ZNF782: variants seen among roughly 807,000 people sequenced by gnomAD.
ZNF782 encodes the protein zinc finger protein 782.
In ZNF782, 12 loss-of-function variants were observed where a neutral mutation model predicts 13.0. That is an observed-to-expected ratio of 0.92 (90% CI 0.59 to 1.50). The LOEUF is 1.50. Among genes scored for constraint, ZNF782 ranks in the 40% most tolerant of loss-of-function variants. The probability of loss-of-function intolerance (pLI) is 0.00; values close to 1 mark genes in which losing one functional copy is unlikely to be tolerated. For missense variants in ZNF782, 770 were observed against 822.9 expected (o/e 0.94, Z 0.79); for synonymous variants, 284 against 283.0 (o/e 1.00, Z -0.04).
chr9:96,897,167 C>T, the ZNF782 span, among the ~76,000 whole-genome samples: 1 of 152,190 alleles, frequency 6.6e-6, no homozygotes, highest in African/African-American at 2.4e-5. Flanking sequence ...AAGTCACTGT[C>T]AAAAGTCATG....
the ZNF782 span, among the ~76,000 whole-genome samples, chr9:96,911,583 C>T: frequency 2.8e-5 from 4 of 142,552 alleles, no homozygotes; most frequent in Admixed American, 7.2e-5. Context: ...TGCAGTGGCG[C>T]GATCTCGGCT....
At chr9:96,849,544 A>T (rs1301872327) in intron 3 of ZNF782, among the ~76,000 whole-genome samples, 1 of 152,264 alleles carries the variant, frequency 6.6e-6, no homozygotes, top group East Asian at 1.9e-4. Context: ...TAAATCTGTG[A>T]CCTGAAACCA....
chr9:96,893,999 C>CAAAAAAAAAAAAAAAAAA, the ZNF782 span: 38 of 48,862 alleles, frequency 7.8e-4, 1 homozygote, highest in East Asian at 0.012. Flanking sequence ...GACTCCGTCT[C>CAAAAAAAAAAAAAAAAAA]AAAAAAAAAA....
chr9:96,931,743 G>T, the ZNF782 span: 1 of 1,611,458 alleles, frequency 6.2e-7, no homozygotes. Flanking sequence ...CTGGGACCCG[G>T]CGTGACCGTG....
chr9:96,922,381 T>C, the ZNF782 span, among the ~76,000 whole-genome samples: 1 of 152,182 alleles, frequency 6.6e-6, no homozygotes, highest in Non-Finnish European at 1.5e-5. Flanking sequence ...ATAATTGTAT[T>C]AGCCCAGAAT....
chr9:96,845,024 A>T lies in ZNF782; in HGVS notation c.16-8T>A. On this transcript the variant is annotated splice_polypyrimidine_tract_variant and splice_region_variant and intron_variant, in intron 3 of 5. Transcript: ENST00000481138. ...CTGGAATGACACTGATGCCTGTAAC[A>T]GCGCATTTCTAATTAATCTGAGTGT... is the stretch of plus-strand genomic sequence containing the variant. The T allele has an allele frequency of 6.2e-7, 1 of 1,613,928 alleles. No individual in the cohort carries two copies.
At chr9:96,925,271 C>T in the ZNF782 span, among the ~76,000 whole-genome samples, 5 of 151,732 alleles carry the variant, frequency 3.3e-5, no homozygotes, top group African/African-American at 7.3e-5. Flanking sequence ...AATGGAGGGA[C>T]GCCTCACCAG....
At position 96,819,168 on chromosome 9, in the gene ZNF782, G is replaced by A; in HGVS notation, c.855C>T (p.His285=). The A allele has an allele frequency of 6.2e-7, 1 of 1,613,212 alleles. No homozygotes were observed. Among genetic ancestry groups the A allele is most frequent in the Non-Finnish European group, 8.5e-7 (1 of 1,179,594 alleles). The change falls in exon 6 of 6, where the codon CAC becomes CAT. Residue 285 remains histidine (H), a synonymous_variant. Transcript: ENST00000481138. ...DTGNCFCRIT[H]KTLTGGKSFS... is the part of the protein sequence containing the mutation. ...AGGATTTCCCTCCTGTGAGAGTTTT[G>A]TGAGTGATTCTACAGAAACAATTTC...
At chr9:96,925,624 A>T in the ZNF782 span, among the ~76,000 whole-genome samples, 2 of 128,930 alleles carry the variant, frequency 1.6e-5, no homozygotes, top group Admixed American at 1.5e-4. Context: ...GCAAGACTCT[A>T]TCTCAAAAAA....
At chr9:96,905,680 G>T in the ZNF782 span, among the ~76,000 whole-genome samples, 1 of 152,080 alleles carries the variant, frequency 6.6e-6, no homozygotes, top group African/African-American at 2.4e-5. Context: ...CTGCCTCCTG[G>T]GTTCAAGCAA....
intron 3 of ZNF782, among the ~76,000 whole-genome samples, chr9:96,848,583 C>G (rs934646566): frequency 6.6e-6 from 1 of 151,828 alleles, no homozygotes; most frequent in Non-Finnish European, 1.5e-5. Flanking sequence ...CAAAATAACA[C>G]CACCACCACC....
At position 96,843,064 on chromosome 9, in the gene ZNF782, G is replaced by C. The variant is rs1295797306; in HGVS notation, c.142+1826C>G. Among the ~76,000 whole-genome samples the C allele has an allele frequency of 4.6e-5, 7 of 152,202 alleles. No individual in the cohort carries two copies. In the South Asian group the frequency reaches 6.2e-4, roughly 13 times the overall value. Reference sequence around the variant, plus strand: ...ACAATGCCTAGTACCAGAAAGGATAGGGAATAACTGGATCCCTCATACATT... The same window carrying C: ...ACAATGCCTAGTACCAGAAAGGATACGGAATAACTGGATCCCTCATACATT... On this transcript the variant is annotated intron_variant, in intron 4 of 5. Coordinates refer to ENST00000481138, the MANE Select transcript of ZNF782 (RefSeq NM_001001662.3).
chr9:96,824,811 T>G (rs1162677397), intron 5 of ZNF782, among the ~76,000 whole-genome samples: 2 of 148,828 alleles, frequency 1.3e-5, no homozygotes, highest in African/African-American at 5.0e-5. Flanking sequence ...CACAACTGCT[T>G]CAAAGAGAAT....
intron 4 of ZNF782, among the ~76,000 whole-genome samples, chr9:96,833,127 G>T (rs1309529558): frequency 5.9e-5 from 9 of 152,106 alleles, no homozygotes; most frequent in Admixed American, 5.9e-4. Flanking sequence ...AGTAACTTTA[G>T]ATTTACAGAA....
chr9:96,930,075 C>T, the ZNF782 span, among the ~76,000 whole-genome samples: 3 of 152,232 alleles, frequency 2.0e-5, no homozygotes, highest in Non-Finnish European at 4.4e-5. Flanking sequence ...TCCTAGTGAA[C>T]AGGGATGAGT....
intron 4 of ZNF782, among the ~76,000 whole-genome samples, chr9:96,842,340 A>G (rs1343218916): frequency 1.3e-5 from 2 of 152,050 alleles, no homozygotes; most frequent in Non-Finnish European, 2.9e-5. Flanking sequence ...TGATATTATT[A>G]CAATATGTAT....
At chr9:96,884,479 G>A in the ZNF782 span, among the ~76,000 whole-genome samples, 3 of 152,150 alleles carry the variant, frequency 2.0e-5, no homozygotes, top group Non-Finnish European at 4.4e-5. Context: ...ACAATATGCA[G>A]AGCCAAGCTG....
At chr9:96,913,344 T>TAGAG in the ZNF782 span, among the ~76,000 whole-genome samples, 8 of 151,664 alleles carry the variant, frequency 5.3e-5, no homozygotes, top group African/African-American at 1.9e-4. Context: ...ATCAAACCAT[T>TAGAG]AGAGTAGTTC....
chr9:96,837,465 G>A lies in ZNF782; in HGVS notation c.142+7425C>T, dbSNP rs75061361. Among the ~76,000 whole-genome samples, 140 of 151,804 alleles carry A rather than the reference G, an allele frequency of 9.2e-4. 4 individuals carry two copies. In the East Asian group the frequency reaches 0.027, roughly 29 times the overall value. On this transcript the variant is annotated intron_variant, in intron 4 of 5. Transcript: ENST00000481138. ...ATCTAGTTAAAAGTTTATCAATTTT[G>A]TTGGTTTTTTAAAAAAGAACTTTGG...
Sources: gnomAD v4.1 joint callset for allele counts (sites outside exome capture counted in the v4.1 genomes callset) on GRCh38, gnomAD v4.1.1 for gene constraint, MANE v1.5 for transcripts, NCBI Gene and HGNC (gene_info 2026-07-23, HGNC 2026-07-21) for gene names.